LPP: variants seen among roughly 807,000 people sequenced by gnomAD.
LPP encodes the protein LIM domain containing preferred translocation partner in lipoma.
In LPP, 38 loss-of-function variants were observed where a neutral mutation model predicts 60.4. The observed-to-expected ratio is 0.63, with a 90% confidence interval of 0.49 to 0.83. The LOEUF is 0.83. Ranked by LOEUF, LPP falls within the 40% of genes least tolerant of loss-of-function variation. The pLI is 0.00. For missense variants in LPP, 902 were observed against 783.6 expected, an observed-to-expected ratio of 1.15 and a Z score of -1.80; for synonymous variants, 328 against 290.8, an observed-to-expected ratio of 1.13 and a Z score of -1.30.
chr3:188,468,238 A>G (rs1378909842), intron 4 of LPP, among the ~76,000 whole-genome samples: 1 of 152,058 alleles, frequency 6.6e-6, no homozygotes, highest in African/African-American at 2.4e-5. Context: ...TAACTTTCTT[A>G]TCTGTAATGT....
chr3:188,865,809 T>C (rs1224993021), intron 9 of LPP, among the ~76,000 whole-genome samples: 1 of 152,176 alleles, frequency 6.6e-6, no homozygotes, highest in African/African-American at 2.4e-5. Flanking sequence ...ATTTACTATA[T>C]GGGACTTTAG....
At chr3:188,362,240 A>G (rs939971065) in intron 3 of LPP, among the ~76,000 whole-genome samples, 2 of 152,210 alleles carry the variant, frequency 1.3e-5, no homozygotes, top group African/African-American at 4.8e-5. Flanking sequence ...TACGCTAGGC[A>G]TTTCTTAAAC....
chr3:188,659,158 G>A (rs1014297388), intron 7 of LPP, among the ~76,000 whole-genome samples: 6 of 152,108 alleles, frequency 3.9e-5, no homozygotes, highest in African/African-American at 1.2e-4. Context: ...AGGTAGCAGG[G>A]ATAATTTTTC....
At chr3:188,427,733 A>C (rs1191133171) in intron 4 of LPP, among the ~76,000 whole-genome samples, 1 of 152,070 alleles carries the variant, frequency 6.6e-6, no homozygotes, top group South Asian at 2.1e-4. Context: ...CACCTACTGA[A>C]GCCTCAGTAA....
In LPP at chr3:188,229,717, C is replaced by T. The variant is rs541162395; in HGVS notation, c.-67+4190C>T. On this transcript the variant is annotated intron_variant, in intron 2 of 11. Coordinates refer to ENST00000617246, the MANE Select transcript of LPP (RefSeq NM_001375462.1). ...GTAAAAAGTAGTGATATCTCTTTCT[C>T]TCTTTTGCTTCCTTCCTCCTAATTC... 2.0e-5 allele frequency among the ~76,000 whole-genome samples: 3 copies of T among 152,328 alleles called. No homozygotes were observed. The South Asian group carries it at 6.2e-4, about 32-fold the overall frequency.
chr3:188,834,456 G>A (rs1449922559), intron 9 of LPP, among the ~76,000 whole-genome samples: 1 of 148,014 alleles, frequency 6.8e-6, no homozygotes, highest in Non-Finnish European at 1.5e-5. Flanking sequence ...ACGTTCCATT[G>A]GGTGACTATT....
intron 10 of LPP, among the ~76,000 whole-genome samples, chr3:188,869,263 G>T (rs1240880637): frequency 1.3e-5 from 2 of 152,002 alleles, no homozygotes; most frequent in African/African-American, 4.8e-5. Flanking sequence ...CACCTGCTTA[G>T]CCTGCCTTTT....
At chr3:188,733,289 ACGTG>A (rs1480788491) in intron 8 of LPP, among the ~76,000 whole-genome samples, 15 of 88,652 alleles carry the variant, frequency 1.7e-4, no homozygotes, top group Middle Eastern at 0.013. Flanking sequence ...TTCACCAAAA[ACGTG>A]TGTGTGTGTG....
At chr3:188,454,004 G>A (rs1247254130) in intron 4 of LPP, among the ~76,000 whole-genome samples, 1 of 152,140 alleles carries the variant, frequency 6.6e-6, no homozygotes, top group East Asian at 1.9e-4. Context: ...GCTTGAATAA[G>A]GTGTAATGTT....
intron 9 of LPP, among the ~76,000 whole-genome samples, chr3:188,761,637 G>A (rs970301854): frequency 7.9e-5 from 12 of 152,274 alleles, no homozygotes; most frequent in East Asian, 1.9e-4. Context: ...GCTGCATTCC[G>A]TTATTCACGC....
At chr3:188,851,084 C>T (rs970372871) in intron 9 of LPP, among the ~76,000 whole-genome samples, 2 of 152,098 alleles carry the variant, frequency 1.3e-5, no homozygotes, top group African/African-American at 2.4e-5. Flanking sequence ...GTGGAATGAA[C>T]GAACCAAGAG....
chr3:188,241,037 G>A (rs1467041938), intron 2 of LPP, among the ~76,000 whole-genome samples: 1 of 152,300 alleles, frequency 6.6e-6, no homozygotes, highest in African/African-American at 2.4e-5. Context: ...TTTAGAGGTA[G>A]CAAGACAGTG....
chr3:188,660,253 A>G (rs1195766500), intron 7 of LPP, among the ~76,000 whole-genome samples: 2 of 152,200 alleles, frequency 1.3e-5, no homozygotes, highest in African/African-American at 2.4e-5. Flanking sequence ...GTTTACCTAC[A>G]ATAATTGCAA....
At chr3:188,694,849 G>C (rs1862909253) in intron 7 of LPP, among the ~76,000 whole-genome samples, 1 of 152,150 alleles carries the variant, frequency 6.6e-6, no homozygotes, top group Non-Finnish European at 1.5e-5. Flanking sequence ...AAAAATGTTT[G>C]TCCTTAAGAA....
chr3:188,753,745 C>G (rs975235140), intron 8 of LPP, among the ~76,000 whole-genome samples: 1 of 151,692 alleles, frequency 6.6e-6, no homozygotes, highest in Admixed American at 6.6e-5. Flanking sequence ...AGTCATTGAT[C>G]CTTTTCTTGT....
chr3:188,395,396 A>T (rs1780684433), intron 3 of LPP, among the ~76,000 whole-genome samples: 1 of 151,384 alleles, frequency 6.6e-6, no homozygotes, highest in Non-Finnish European at 1.5e-5. Context: ...TGTTTTTTAG[A>T]AATTATTATT....
chr3:188,636,749 C>A (rs963885224), intron 7 of LPP, among the ~76,000 whole-genome samples: 6 of 152,052 alleles, frequency 3.9e-5, no homozygotes, highest in Admixed American at 3.3e-4. Context: ...GGTCCCTGAC[C>A]CCTGACCCCC....
chr3:188,496,039 G>T (rs1486585372), intron 5 of LPP, among the ~76,000 whole-genome samples: 2 of 152,054 alleles, frequency 1.3e-5, no homozygotes, highest in African/African-American at 4.8e-5. Flanking sequence ...ATCCTTGAGG[G>T]GTTAAGCTAT....
chr3:188,288,902 A>T (rs1196033959), intron 2 of LPP, among the ~76,000 whole-genome samples: 1 of 144,994 alleles, frequency 6.9e-6, no homozygotes, highest in Non-Finnish European at 1.5e-5. Flanking sequence ...AGGACCTGGA[A>T]CAAAATAAAT....
Sources: gnomAD v4.1 joint callset for allele counts (sites outside exome capture counted in the v4.1 genomes callset) on GRCh38, gnomAD v4.1.1 for gene constraint, MANE v1.5 for transcripts, NCBI Gene and HGNC (gene_info 2026-07-23, HGNC 2026-07-21) for gene names.